Variants in KHDRBS3 observed in about 807,000 individuals in gnomAD.
KHDRBS3 encodes KH domain-containing, RNA-binding, signal transduction-associated protein 3.
In KHDRBS3, 23 loss-of-function variants were observed where a neutral mutation model predicts 45.6. The observed-to-expected ratio is 0.50, with a 90% CI of 0.36 to 0.72. The LOEUF (loss-of-function observed/expected upper bound fraction) is 0.72, where lower values mean the gene tolerates loss of function less well. KHDRBS3 is among the 30% of genes least tolerant of loss of function. The probability of loss-of-function intolerance (pLI) is 0.00; values close to 1 mark genes in which losing one functional copy is unlikely to be tolerated. For missense variants in KHDRBS3, 352 were observed against 424.8 expected, an observed-to-expected ratio of 0.83 and a Z score of 1.51; for synonymous variants, 162 against 156.5, an observed-to-expected ratio of 1.04 and a Z score of -0.26.
At chr8:135,467,440 T>C (rs926011220) in intron 1 of KHDRBS3, among the ~76,000 whole-genome samples, 1 of 152,238 alleles carries the variant, frequency 6.6e-6, no homozygotes, top group East Asian at 1.9e-4. Context: ...GTTTTGTCTT[T>C]TACAGGACCC....
rs1334127614 is a variant in KHDRBS3 at position 135,516,597 on chromosome 8, T to TGTGTGTGA, written c.89-4639_89-4638insTGTGTGAG. Reference sequence around the variant, plus strand: ...GTGTGTGTGTGTGTGTGTGTGTGTGTGAGTAAACAGTGCATTTGGTACCGA... The same window carrying TGTGTGTGA: ...GTGTGTGTGTGTGTGTGTGTGTGTGTGTGTGTGAGAGTAAACAGTGCATTTGGTACCGA... On this transcript the variant is annotated intron_variant, in intron 1 of 8. Coordinates refer to ENST00000355849, the MANE Select transcript of KHDRBS3 (RefSeq NM_006558.3). 1.9e-4 allele frequency among the ~76,000 whole-genome samples: 29 copies of TGTGTGTGA among 152,116 alleles called. No homozygotes were observed. In the East Asian group the frequency reaches 5.0e-3, roughly 26 times the overall value.
In KHDRBS3 at chr8:135,583,339, G is replaced by C. The variant is rs574128023; in HGVS notation, c.807+1266G>C. 1.6e-3 allele frequency among the ~76,000 whole-genome samples: 239 copies of C among 152,278 alleles called. 2 individuals are homozygous for C. Among genetic ancestry groups the C allele is most frequent in the Middle Eastern group, 3.4e-3 (1 of 294 alleles). Reference sequence around the variant, plus strand: ...GAGGAAGGATGTGTTTCCTCTCTTTGAATTCGTTACAGTTAAATGTGTTCC... The same window carrying C: ...GAGGAAGGATGTGTTTCCTCTCTTTCAATTCGTTACAGTTAAATGTGTTCC... On this transcript the variant is annotated intron_variant, in intron 6 of 8. Transcript: ENST00000355849.
intron 7 of KHDRBS3, among the ~76,000 whole-genome samples, chr8:135,635,852 C>A (rs371120775): frequency 8.5e-5 from 13 of 152,326 alleles, no homozygotes; most frequent in East Asian, 3.9e-4. Flanking sequence ...TTATGCGTAT[C>A]TTCAAAGTGC....
chr8:135,562,107 A>G (rs1183081282), intron 5 of KHDRBS3, among the ~76,000 whole-genome samples: 1 of 152,198 alleles, frequency 6.6e-6, no homozygotes, highest in Non-Finnish European at 1.5e-5. Flanking sequence ...TATAAAGTCT[A>G]CAGTAGTGTC....
At chr8:135,556,945 T>C (rs1262435649) in intron 4 of KHDRBS3, among the ~76,000 whole-genome samples, 1 of 152,324 alleles carries the variant, frequency 6.6e-6, no homozygotes, top group Non-Finnish European at 1.5e-5. Flanking sequence ...CTACTGGAAA[T>C]GTACAAAAAG....
At chr8:135,459,833 A>G (rs1452382481) in intron 1 of KHDRBS3, among the ~76,000 whole-genome samples, 2 of 152,190 alleles carry the variant, frequency 1.3e-5, no homozygotes, top group Admixed American at 6.5e-5. Flanking sequence ...TGAAACAGAT[A>G]TTTACTGGGG....
Position 135,457,691 on chromosome 8 carries a change from C to T in KHDRBS3, c.-176C>T, listed in dbSNP as rs11550913. The T allele has an allele frequency of 0.013, 2,032 of 153,296 alleles. 22 individuals are homozygous for T. Among genetic ancestry groups the T allele is most frequent in the Non-Finnish European group, 0.021 (1,474 of 70,844 alleles). 9.5% of individuals were successfully genotyped at this position (153,296 alleles called of 1,614,324 possible). On this transcript the variant is annotated 5_prime_UTR_variant, in exon 1 of 9. Transcript: ENST00000355849. This position sits in a 1 kb window ranked among gnomAD's most constrained non-coding sequence, Gnocchi z 4.4. ...CCACCGGGGATCGGGGCTGAGCGGT[C>T]GGTTCCCGCCCCCGTGCCGCCGCCG... is the stretch of plus-strand genomic sequence containing the variant.
intron 1 of KHDRBS3, among the ~76,000 whole-genome samples, chr8:135,496,626 A>C (rs1215280364): frequency 2.0e-5 from 3 of 152,202 alleles, no homozygotes; most frequent in African/African-American, 7.2e-5. Context: ...CTTAATAGGC[A>C]GGTGGCTGCC....
At position 135,647,317 on chromosome 8, in the gene KHDRBS3, G is replaced by GA. The variant is rs201315401; in HGVS notation, c.*241dup. Reference sequence around the variant, plus strand: ...ATATGAAAAAATAGGTCATCAAAAGGAAAAAAAATAACTTTGATTAACTAG... The same window carrying GA: ...ATATGAAAAAATAGGTCATCAAAAGGAAAAAAAAATAACTTTGATTAACTAG... On this transcript the variant is annotated 3_prime_UTR_variant, in exon 9 of 9. Coordinates refer to ENST00000355849, the MANE Select transcript of KHDRBS3 (RefSeq NM_006558.3). The GA allele has an allele frequency of 5.8e-5, 19 of 325,092 alleles. No homozygotes were observed. Among genetic ancestry groups the GA allele is most frequent in the Admixed American group, 2.5e-4 (5 of 20,384 alleles). The allele number at this position is 325,092 out of a possible 1,614,324, so 20.1% of individuals were successfully genotyped here.
intron 5 of KHDRBS3, among the ~76,000 whole-genome samples, chr8:135,578,269 GGACTT>G (rs1828040252): frequency 6.6e-6 from 1 of 151,902 alleles, no homozygotes; most frequent in Non-Finnish European, 1.5e-5. Flanking sequence ...TTTCTTTCAA[GGACTT>G]TTTTGATATT....
chr8:135,542,844 T>C (rs1826110205), intron 3 of KHDRBS3, 74 bp downstream of exon 3: 2 of 977,358 alleles, frequency 2.0e-6, no homozygotes, highest in South Asian at 2.9e-5. Context: ...TCCACTGTAT[T>C]CATACATAGT....
In KHDRBS3 at chr8:135,647,038, G is replaced by A; in HGVS notation, c.995G>A (p.Arg332Lys). Residue 332 changes from arginine to lysine, a missense_variant, in exon 9 of 9, where the codon AGG becomes AAG. Arg to Lys is a conservative substitution (Grantham distance 26). Coordinates refer to ENST00000355849, the MANE Select transcript of KHDRBS3 (RefSeq NM_006558.3). ...TNSRHKAPSA[R>K]TAKGVYRDQP... ...TCAAGACACAAGGCACCTTCAGCGA[G>A]GACAGCAAAGGGCGTCTACAGAGAC... The A allele has an allele frequency of 6.2e-7, 1 of 1,611,074 alleles. No individual in the cohort carries two copies. The highest frequency in any genetic ancestry group is 2.2e-5 in the East Asian group (1 of 44,850).
intron 7 of KHDRBS3, among the ~76,000 whole-genome samples, chr8:135,623,711 A>G (rs1271665136): frequency 1.3e-5 from 2 of 152,232 alleles, no homozygotes; most frequent in Non-Finnish European, 2.9e-5. Flanking sequence ...AAAGGCCGCA[A>G]AAGAGAAATA....
intron 2 of KHDRBS3, among the ~76,000 whole-genome samples, chr8:135,530,657 A>T (rs534516776): frequency 6.6e-6 from 1 of 152,224 alleles, no homozygotes; most frequent in African/African-American, 2.4e-5. Context: ...CCATGTCCGT[A>T]TCTGAACTTC....
intron 2 of KHDRBS3, among the ~76,000 whole-genome samples, chr8:135,522,123 C>T (rs184664120): frequency 1.5e-3 from 232 of 152,272 alleles, no homozygotes; most frequent in Non-Finnish European, 1.9e-3. Context: ...TGACAGGCCC[C>T]ACTGTGTGTT....
At chr8:135,626,803 C>A (rs1385973063) in intron 7 of KHDRBS3, among the ~76,000 whole-genome samples, 542 of 90,916 alleles carry the variant, frequency 6.0e-3, no homozygotes, top group Non-Finnish European at 6.4e-3. Flanking sequence ...GACTCCGTCT[C>A]AAAAAAAAAA....
At chr8:135,491,949 A>G (rs2130425710) in intron 1 of KHDRBS3, among the ~76,000 whole-genome samples, 1 of 148,318 alleles carries the variant, frequency 6.7e-6, no homozygotes, top group African/African-American at 2.5e-5. Context: ...TTTTTTTTTA[A>G]GCCAATTTTA....
intron 6 of KHDRBS3, among the ~76,000 whole-genome samples, chr8:135,603,860 A>G (rs1159300718): frequency 4.6e-5 from 7 of 152,152 alleles, no homozygotes; most frequent in African/African-American, 1.7e-4. Flanking sequence ...TGCGCAGTGG[A>G]GAAGAATGTG....
At chr8:135,501,534 G>A (rs569110034) in intron 1 of KHDRBS3, among the ~76,000 whole-genome samples, 4 of 152,202 alleles carry the variant, frequency 2.6e-5, no homozygotes, top group East Asian at 1.9e-4. Flanking sequence ...GAAAGAACAC[G>A]AATTAATTCA....
Sources: gnomAD v4.1 joint callset for allele counts (sites outside exome capture counted in the v4.1 genomes callset) on GRCh38, gnomAD v4.1.1 for gene constraint, Gnocchi (gnomAD v3.1) non-coding constraint, MANE v1.5 for transcripts, NCBI Gene and HGNC (gene_info 2026-07-23, HGNC 2026-07-21) for gene names.